Variants in CSMD2 observed in about 807,000 individuals in gnomAD.
CSMD2 encodes the protein CUB and sushi domain-containing protein 2.
In CSMD2, 130 loss-of-function variants were observed where a neutral mutation model predicts 398.5. The observed-to-expected ratio is 0.33, with a 90% confidence interval of 0.28 to 0.38. CSMD2 has a LOEUF of 0.38. Among genes scored for constraint, CSMD2 ranks in the 10% least tolerant of loss-of-function variants. The pLI, the probability that CSMD2 is intolerant of heterozygous loss-of-function variation, is 1.00. For missense variants in CSMD2, 3,829 were observed against 4,764.9 expected (o/e 0.80, Z 5.78); for synonymous variants, 1,828 against 1,908.5 (o/e 0.96, Z 1.10).
chr1:33,892,340 G>C (rs1484307866), intron 5 of CSMD2, among the ~76,000 whole-genome samples: 2 of 152,016 alleles, frequency 1.3e-5, no homozygotes, highest in Non-Finnish European at 1.5e-5. Context: ...CATTTCAATA[G>C]TTTTTGGGTG....
intron 57 of CSMD2, among the ~76,000 whole-genome samples, chr1:33,545,677 G>T (rs1656810000): frequency 6.6e-6 from 1 of 152,140 alleles, no homozygotes; most frequent in South Asian, 2.1e-4. Flanking sequence ...TTTTTGGGAG[G>T]TCACAAATAT....
At chr1:33,626,345 T>C (rs1642127161) in intron 33 of CSMD2, 141 bp downstream of exon 33, 1 of 537,440 alleles carries the variant, frequency 1.9e-6, no homozygotes, top group Non-Finnish European at 3.3e-6. Context: ...TTTCAGGGAA[T>C]TGCCCTACAA....
At chr1:33,842,715 A>C (rs1660977025) in intron 6 of CSMD2, among the ~76,000 whole-genome samples, 1 of 152,174 alleles carries the variant, frequency 6.6e-6, no homozygotes, top group East Asian at 1.9e-4. Context: ...TGGACACTGA[A>C]ATGTGAATTT....
At chr1:33,820,608 C>T in intron 7 of CSMD2, 52 bp from the exon 8 acceptor site, 1 of 1,265,952 alleles carries the variant, frequency 7.9e-7, no homozygotes, top group African/African-American at 1.6e-5. Flanking sequence ...CAGAGATGGA[C>T]AGTCACAGGG....
intron 25 of CSMD2, among the ~76,000 whole-genome samples, chr1:33,677,285 C>G (rs1161333980): frequency 1.3e-5 from 2 of 152,150 alleles, no homozygotes; most frequent in East Asian, 3.8e-4. Flanking sequence ...ACAACCCCAT[C>G]AAAAAGTGGG....
chr1:34,023,416 G>GT (rs1234151840), intron 3 of CSMD2, among the ~76,000 whole-genome samples: 2 of 152,206 alleles, frequency 1.3e-5, no homozygotes, highest in African/African-American at 4.8e-5. Context: ...TCTTCTCAGA[G>GT]TAGCCACTTT....
chr1:33,825,547 G>T lies in CSMD2; in HGVS notation c.1111+150C>A, dbSNP rs546284753. Reference sequence around the variant, plus strand: ...CCCAGGGCTGCTCTCTGGCCGTTGGGTCAGTGTGTCCAAGCGCAGAGCCCA... The same window carrying T: ...CCCAGGGCTGCTCTCTGGCCGTTGGTTCAGTGTGTCCAAGCGCAGAGCCCA... On this transcript the variant is annotated intron_variant, in intron 7 of 70. Transcript: ENST00000373381. 7 of 701,002 alleles carry T rather than the reference G, an allele frequency of 1.0e-5. No individual in the cohort carries two copies. The South Asian group carries it at 1.2e-4, about 12-fold the overall frequency. 43.4% of individuals were successfully genotyped at this position (701,002 alleles called of 1,614,324 possible). A position where few individuals can be genotyped will look rare whatever the true frequency, so the allele number is the denominator to read the frequency against.
At chr1:33,995,733 C>G (rs2148013292) in intron 3 of CSMD2, among the ~76,000 whole-genome samples, 1 of 152,338 alleles carries the variant, frequency 6.6e-6, no homozygotes, top group South Asian at 2.1e-4. Context: ...TCTCTGCTCT[C>G]TTTTCACCCA....
chr1:33,662,886 A>G lies in CSMD2; in HGVS notation c.4255+4T>C, dbSNP rs1404928543. The G allele has an allele frequency of 6.2e-7, 1 of 1,614,110 alleles. No homozygotes were observed. Among genetic ancestry groups the G allele is most frequent in the Admixed American group, 1.7e-5 (1 of 60,026 alleles). ...AGTGGGGCTGGCAGAGGGCACGCAC[A>G]GACCTGAAAATTGAATGGCAAAGCC... is the stretch of plus-strand genomic sequence containing the variant. On this transcript the variant is annotated splice_donor_region_variant and intron_variant, in intron 26 of 70. Transcript: ENST00000373381.
chr1:33,782,033 G>T (rs1652838575), intron 12 of CSMD2, among the ~76,000 whole-genome samples: 2 of 152,158 alleles, frequency 1.3e-5, no homozygotes, highest in East Asian at 1.9e-4. Context: ...CCCTAAGGTT[G>T]TATCTCTCTG....
chr1:34,083,458 T>C (rs910467749), intron 2 of CSMD2, among the ~76,000 whole-genome samples: 2 of 152,246 alleles, frequency 1.3e-5, no homozygotes, highest in Admixed American at 1.3e-4. Context: ...TTTTCCTAAT[T>C]CAACTTCTCA....
At chr1:33,824,680 A>C in intron 7 of CSMD2, among the ~76,000 whole-genome samples, 1 of 144,548 alleles carries the variant, frequency 6.9e-6, no homozygotes, top group African/African-American at 2.5e-5. Flanking sequence ...AAGGGGAGGA[A>C]TGGGGAGGGT....
chr1:34,124,714 A>C (rs1416328034), intron 1 of CSMD2, among the ~76,000 whole-genome samples: 1 of 152,196 alleles, frequency 6.6e-6, no homozygotes, highest in Non-Finnish European at 1.5e-5. Flanking sequence ...CCAAATTGTA[A>C]CTGTCAGGAA....
chr1:33,673,924 A>G lies in CSMD2; in HGVS notation c.4053-10832T>C, dbSNP rs370953716. 7.2e-5 allele frequency among the ~76,000 whole-genome samples: 11 copies of G among 152,378 alleles called. No homozygotes were observed. The East Asian group carries it at 1.2e-3, about 16-fold the overall frequency. ...CAAGCAAATGCTGAGAGATTTTGTCACCACCAGGCCTGCCCTAAAAGAGCT... is the reference window on the plus strand; with the variant it reads ...CAAGCAAATGCTGAGAGATTTTGTCGCCACCAGGCCTGCCCTAAAAGAGCT... On this transcript the variant is annotated intron_variant, in intron 25 of 70. Coordinates refer to ENST00000373381, the MANE Select transcript of CSMD2 (RefSeq NM_001281956.2).
intron 1 of CSMD2, among the ~76,000 whole-genome samples, chr1:34,113,943 TC>T (rs1661349696): frequency 6.6e-6 from 1 of 152,308 alleles, no homozygotes; most frequent in African/African-American, 2.4e-5. Context: ...CATTCAGTGT[TC>T]CCACTTTTCA....
intron 1 of CSMD2, among the ~76,000 whole-genome samples, chr1:34,098,594 G>T (rs1659638376): frequency 6.6e-6 from 1 of 151,838 alleles, no homozygotes; most frequent in South Asian, 2.1e-4. Context: ...AAACAGGTAG[G>T]ACATGAAATG....
At position 33,788,687 on chromosome 1, in the gene CSMD2, G is replaced by A; in HGVS notation, c.1576C>T (p.Leu526Phe). The change falls in exon 12 of 71, where the codon CTC becomes TTC. Residue 526 changes from leucine to phenylalanine, a missense_variant. By Grantham distance (22) the Leu-to-Phe change is conservative (BLOSUM62 0). Transcript: ENST00000373381. ...ATTTGATGATTGGTGCTGACAATGA[G>A]ATCCGGGACCGATGTACCTGTCAGG... ...YILTGTSVPD[L>F]IVSTNHQMWL... 1 of 1,613,384 alleles carries A rather than the reference G, an allele frequency of 6.2e-7. No individual in the cohort carries two copies.
chr1:33,902,623 T>C (rs1253484432), intron 5 of CSMD2, among the ~76,000 whole-genome samples: 1 of 152,196 alleles, frequency 6.6e-6, no homozygotes, highest in Non-Finnish European at 1.5e-5. Context: ...CCTTTTTTTC[T>C]GGCCCGGAGA....
chr1:33,734,486 T>A (rs942888891), intron 15 of CSMD2, among the ~76,000 whole-genome samples: 9 of 152,018 alleles, frequency 5.9e-5, no homozygotes, highest in Non-Finnish European at 1.0e-4. Context: ...CTTTAAAATT[T>A]AAAAAATGAA....
Sources: gnomAD v4.1 joint callset for allele counts (sites outside exome capture counted in the v4.1 genomes callset) on GRCh38, gnomAD v4.1.1 for gene constraint, MANE v1.5 for transcripts, NCBI Gene and HGNC (gene_info 2026-07-23, HGNC 2026-07-21) for gene names.